Variants in ADAMTS6 observed in about 807,000 individuals in gnomAD.
ADAMTS6 encodes the protein ADAM metallopeptidase with thrombospondin type 1 motif 6.
Under a neutral mutation model 144.3 loss-of-function variants are expected in ADAMTS6, and 23 were observed. The ratio of observed to expected loss-of-function variants is 0.16; its 90% CI spans 0.11 to 0.23. The LOEUF is 0.23. ADAMTS6 is among the 10% of genes least tolerant of loss of function. The probability of loss-of-function intolerance (pLI) is 1.00; values close to 1 mark genes in which losing one functional copy is unlikely to be tolerated. For synonymous variants in ADAMTS6, 444 were observed against 457.5 expected, an observed-to-expected ratio of 0.97 and a Z score of 0.38; for missense variants, 999 against 1,379.6, an observed-to-expected ratio of 0.72 and a Z score of 4.37.
chr5:65,439,195 T>C (rs1254650378), intron 7 of ADAMTS6, among the ~76,000 whole-genome samples: 2 of 152,094 alleles, frequency 1.3e-5, no homozygotes, highest in Non-Finnish European at 2.9e-5. Flanking sequence ...AAAAGTAGAA[T>C]GCCAACTACC....
At chr5:65,431,472 G>A (rs1474159746) in intron 7 of ADAMTS6, among the ~76,000 whole-genome samples, 1 of 152,120 alleles carries the variant, frequency 6.6e-6, no homozygotes, top group East Asian at 1.9e-4. Context: ...TTTTAAGTAT[G>A]TGTGTTTTGC....
intron 10 of ADAMTS6, among the ~76,000 whole-genome samples, chr5:65,291,677 A>G (rs1356226487): frequency 6.6e-6 from 1 of 152,194 alleles, no homozygotes; most frequent in East Asian, 1.9e-4. Flanking sequence ...ACCAAGACAC[A>G]ATAAAATCAT....
At chr5:65,188,913 C>T (rs1485839318) in intron 21 of ADAMTS6, among the ~76,000 whole-genome samples, 1 of 152,134 alleles carries the variant, frequency 6.6e-6, no homozygotes, top group Admixed American at 6.6e-5. Context: ...ATTTGTTTTT[C>T]AATTTCTAGA....
chr5:65,249,364 A>C (rs938875746), intron 14 of ADAMTS6, among the ~76,000 whole-genome samples: 5 of 152,302 alleles, frequency 3.3e-5, no homozygotes, highest in African/African-American at 7.2e-5. Context: ...ACAACTTCCT[A>C]AACACATTGG....
chr5:65,471,533 T>C (rs1360637963), intron 2 of ADAMTS6, among the ~76,000 whole-genome samples: 1 of 152,086 alleles, frequency 6.6e-6, no homozygotes. Flanking sequence ...AGAATCTCTA[T>C]AGCCTTGTAG....
intron 7 of ADAMTS6, among the ~76,000 whole-genome samples, chr5:65,420,124 G>A (rs1755896773): frequency 6.6e-6 from 1 of 152,134 alleles, no homozygotes; most frequent in South Asian, 2.1e-4. Flanking sequence ...GAAGTGCCAA[G>A]CAAAGGGTGA....
chr5:65,467,604 T>C (rs1760127866), intron 3 of ADAMTS6, among the ~76,000 whole-genome samples: 1 of 152,162 alleles, frequency 6.6e-6, no homozygotes, highest in South Asian at 2.1e-4. Flanking sequence ...CCCTATATAT[T>C]CCCTTTCCCA....
rs771807713 is a variant in ADAMTS6 at position 65,170,642 on chromosome 5, G to A, written c.3219C>T (p.Asp1073=). The change falls in exon 24 of 25, where the codon GAC becomes GAT. Residue 1073 remains aspartate (D), a synonymous_variant. Transcript: ENST00000381055. ...CTTCAGTATTAGAAATGGGGGTACT[G>A]TCACATTTGCTTTCACACTGCTGCA... ...PSMQQCESKC[D]STPISNTEEC... is the part of the protein sequence containing the mutation. 4 of 1,613,986 alleles carry A rather than the reference G, an allele frequency of 2.5e-6. No homozygotes were observed. In the African/African-American group the frequency reaches 5.3e-5, roughly 22 times the overall value.
chr5:65,450,597 TAAG>T (rs1333025123), intron 7 of ADAMTS6, among the ~76,000 whole-genome samples: 2 of 152,172 alleles, frequency 1.3e-5, no homozygotes, highest in East Asian at 1.9e-4. Flanking sequence ...AAAATATTGA[TAAG>T]AAGTCAAAAG....
At chr5:65,297,341 G>C in intron 10 of ADAMTS6, 1 of 426,416 alleles carries the variant, frequency 2.3e-6, no homozygotes, top group Non-Finnish European at 4.6e-6. Context: ...TATTCTATTG[G>C]CCATGGAATA....
At chr5:65,276,152 C>CT (rs1762521220) in intron 11 of ADAMTS6, among the ~76,000 whole-genome samples, 1 of 152,118 alleles carries the variant, frequency 6.6e-6, no homozygotes, top group Admixed American at 6.5e-5. Context: ...GCTTAAGATA[C>CT]TTTTTTCAAA....
intron 10 of ADAMTS6, among the ~76,000 whole-genome samples, chr5:65,296,285 T>G (rs1470970626): frequency 6.6e-6 from 1 of 152,188 alleles, no homozygotes; most frequent in Non-Finnish European, 1.5e-5. Flanking sequence ...TCAACTGTCT[T>G]ACGTACTATA....
chr5:65,468,136 G>C (rs1159721171), intron 3 of ADAMTS6, among the ~76,000 whole-genome samples: 1 of 152,108 alleles, frequency 6.6e-6, no homozygotes, highest in Non-Finnish European at 1.5e-5. Context: ...GAAGCTGACA[G>C]ACTATAATGT....
intron 18 of ADAMTS6, among the ~76,000 whole-genome samples, chr5:65,219,204 G>A (rs1428415330): frequency 1.3e-5 from 2 of 152,140 alleles, no homozygotes; most frequent in African/African-American, 4.8e-5. Flanking sequence ...CACCTCCTGT[G>A]TTAGTAGATA....
intron 22 of ADAMTS6, among the ~76,000 whole-genome samples, chr5:65,181,320 TG>T (rs991650680): frequency 2.0e-5 from 3 of 152,236 alleles, no homozygotes; most frequent in Non-Finnish European, 4.4e-5. Context: ...TTGTTCCACT[TG>T]TTTTAATCCT....
chr5:65,471,215 G>A, intron 2 of ADAMTS6, 73 bp from the exon 3 acceptor site: 1 of 1,449,740 alleles, frequency 6.9e-7, no homozygotes, highest in Non-Finnish European at 9.2e-7. Context: ...GAACAAAGAA[G>A]CAGCAATATA....
chr5:65,322,939 G>A (rs907681525), intron 9 of ADAMTS6, among the ~76,000 whole-genome samples: 4 of 152,058 alleles, frequency 2.6e-5, no homozygotes, highest in African/African-American at 9.7e-5. Flanking sequence ...GGTGAGAGAG[G>A]GCACTTTTGT....
rs118103670 is a variant in ADAMTS6, at chr5:65,308,996, A to G, written c.1224-8865T>C. Among the ~76,000 whole-genome samples the G allele has an allele frequency of 1.9e-4, 29 of 152,148 alleles. No homozygotes were observed. In the East Asian group the frequency reaches 5.4e-3, roughly 28 times the overall value. ...CCAAAACAGCAACGGGACAATATTA[A>G]TGTTTGTTAAATCTGAATGGTGGAC... On this transcript the variant is annotated intron_variant, in intron 9 of 24. Coordinates refer to ENST00000381055, the MANE Select transcript of ADAMTS6 (RefSeq NM_197941.4).
intron 7 of ADAMTS6, among the ~76,000 whole-genome samples, chr5:65,393,321 T>C (rs1230919328): frequency 6.6e-6 from 1 of 152,228 alleles, no homozygotes; most frequent in Admixed American, 6.5e-5. Context: ...TGCAATCATA[T>C]TTCTTTAACA....
Sources: gnomAD v4.1 joint callset for allele counts (sites outside exome capture counted in the v4.1 genomes callset) on GRCh38, gnomAD v4.1.1 for gene constraint, MANE v1.5 for transcripts, NCBI Gene and HGNC (gene_info 2026-07-23, HGNC 2026-07-21) for gene names.